The following FANCL variants were observed in gnomAD, a reference collection of about 807,000 sequenced individuals.
FANCL encodes E3 ubiquitin-protein ligase FANCL.
FANCL carries 69 observed loss-of-function variants against 59.4 expected under a neutral mutation model. The ratio of observed to expected loss-of-function variants is 1.16; its 90% CI spans 0.96 to 1.42. FANCL has a LOEUF of 1.42. Ranked by LOEUF, FANCL falls within the 40% of genes most tolerant of loss-of-function variation. The pLI, the probability that FANCL is intolerant of heterozygous loss-of-function variation, is 0.00. For synonymous variants in FANCL, 180 were observed against 147.1 expected (o/e 1.22, Z -1.62); for missense variants, 519 against 447.2 (o/e 1.16, Z -1.45).
At position 58,218,855 on chromosome 2, in the gene FANCL, G is replaced by C. The variant is rs139159257; in HGVS notation, c.374+3087C>G. Among the ~76,000 whole-genome samples, 918 of 151,872 alleles carry C rather than the reference G, an allele frequency of 6.0e-3. 13 individuals carry two copies. The highest frequency in any genetic ancestry group is 0.021 in the African/African-American group (863 of 41,396). ...TAATGGACTGGAGTTGTAGACATCA[G>C]TATAAAATCATGTTTACCTTAATAC... is the stretch of plus-strand genomic sequence containing the variant. On this transcript the variant is annotated intron_variant, in intron 5 of 13. Coordinates refer to ENST00000233741, the MANE Select transcript of FANCL (RefSeq NM_018062.4).
At chr2:58,173,054 G>T (rs571919257) in intron 7 of FANCL, among the ~76,000 whole-genome samples, 1 of 152,190 alleles carries the variant, frequency 6.6e-6, no homozygotes, top group South Asian at 2.1e-4. Context: ...AAGATGAAGT[G>T]AATGAAATGA....
intron 1 of FANCL, 68 bp downstream of exon 1, chr2:58,241,148 TCA>T: frequency 1.9e-6 from 3 of 1,544,994 alleles, no homozygotes; most frequent in Non-Finnish European, 2.7e-6. Context: ...TCCTAGCCCG[TCA>T]CAGACTTCTC....
intron 1 of FANCL, among the ~76,000 whole-genome samples, chr2:58,238,316 TGA>T (rs1240243485): frequency 2.6e-5 from 4 of 152,322 alleles, no homozygotes; most frequent in African/African-American, 9.6e-5. Context: ...TGCAAGATCA[TGA>T]GAGATTTTGA....
chr2:58,170,357 G>T (rs887958852), intron 7 of FANCL, among the ~76,000 whole-genome samples: 1 of 152,170 alleles, frequency 6.6e-6, no homozygotes, highest in Non-Finnish European at 1.5e-5. Context: ...GTCACCACCA[G>T]GCCTGCCTTA....
At chr2:58,201,786 AG>A (rs1690048588) in intron 6 of FANCL, among the ~76,000 whole-genome samples, 1 of 152,114 alleles carries the variant, frequency 6.6e-6, no homozygotes, top group South Asian at 2.1e-4. Flanking sequence ...TAGTCAAAAT[AG>A]GTATTTGTTT....
intron 6 of FANCL, among the ~76,000 whole-genome samples, chr2:58,203,367 A>G (rs1411163186): frequency 6.6e-6 from 1 of 151,878 alleles, no homozygotes; most frequent in African/African-American, 2.4e-5. Flanking sequence ...CATCACTACA[A>G]TCTTCTGAAA....
At chr2:58,221,343 A>G (rs1692459337) in intron 5 of FANCL, among the ~76,000 whole-genome samples, 1 of 152,208 alleles carries the variant, frequency 6.6e-6, no homozygotes, top group Non-Finnish European at 1.5e-5. Context: ...TAGCAAACAA[A>G]TCATCACATA....
intron 13 of FANCL, 32 bp from the exon 14 acceptor site, chr2:58,159,832 T>A: frequency 1.2e-6 from 2 of 1,610,536 alleles, no homozygotes; most frequent in Non-Finnish European, 1.7e-6. Context: ...TAACAAAGTT[T>A]GTGGACACTC....
rs114581395 is a variant in FANCL, at chr2:58,166,231, T to C, written c.541-357A>G. The stretch of plus-strand genomic sequence containing the variant: ...CATGATATAGCTAACATTGGACCTA[T>C]ACAAAATGTCTATAATATTTTAGTA... On this transcript the variant is annotated intron_variant, in intron 7 of 13. Transcript: ENST00000233741. Among the ~76,000 whole-genome samples, 984 of 152,284 alleles carry C rather than the reference T, an allele frequency of 6.5e-3. 14 individuals are homozygous for C. The highest frequency in any genetic ancestry group is 0.022 in the African/African-American group (898 of 41,572).
At chr2:58,166,997 A>G (rs543979784) in intron 7 of FANCL, among the ~76,000 whole-genome samples, 1 of 152,312 alleles carries the variant, frequency 6.6e-6, no homozygotes, top group South Asian at 2.1e-4. Context: ...GCAGATCACG[A>G]GGTCAAGAGA....
At chr2:58,163,236 T>C (rs1436247073) in intron 9 of FANCL, 162 bp from the exon 10 acceptor site, 13 of 745,880 alleles carry the variant, frequency 1.7e-5, no homozygotes, top group Non-Finnish European at 2.9e-5. Context: ...TGAGACATTG[T>C]CATTTAAAAT....
At chr2:58,202,335 T>C (rs1234033435) in intron 6 of FANCL, among the ~76,000 whole-genome samples, 1 of 151,082 alleles carries the variant, frequency 6.6e-6, no homozygotes, top group Non-Finnish European at 1.5e-5. Flanking sequence ...GCTGAACTTG[T>C]TTATTCTACT....
intron 1 of FANCL, among the ~76,000 whole-genome samples, chr2:58,238,166 A>G (rs1034899261): frequency 6.6e-6 from 1 of 151,448 alleles, no homozygotes; most frequent in Non-Finnish European, 1.5e-5. Flanking sequence ...ATTTTTTGTG[A>G]TTTTTTTTTA....
chr2:58,239,208 A>G (rs917558054), intron 1 of FANCL, among the ~76,000 whole-genome samples: 5 of 152,188 alleles, frequency 3.3e-5, no homozygotes, highest in Non-Finnish European at 2.9e-5. Flanking sequence ...TACCTCCCCA[A>G]AAGTACTTAT....
chr2:58,178,682 T>C (rs1008927393), intron 7 of FANCL, among the ~76,000 whole-genome samples: 1 of 152,104 alleles, frequency 6.6e-6, no homozygotes, highest in African/African-American at 2.4e-5. Context: ...AAGACAAGGA[T>C]GCTCTCTCTC....
chr2:58,182,210 GA>G (rs1168002997), intron 7 of FANCL, among the ~76,000 whole-genome samples: 1 of 151,706 alleles, frequency 6.6e-6, no homozygotes, highest in Non-Finnish European at 1.5e-5. Flanking sequence ...AATCGTACTG[GA>G]ATCACCTAAG....
Position 58,234,639 on chromosome 2 carries a change from T to C in FANCL, c.97-2527A>G, listed in dbSNP as rs77228196. Among the ~76,000 whole-genome samples the C allele has an allele frequency of 6.0e-3, 916 of 151,994 alleles. 8 individuals are homozygous for C. The highest frequency in any genetic ancestry group is 0.021 in the African/African-American group (862 of 41,520). On this transcript the variant is annotated intron_variant, in intron 1 of 13. Transcript: ENST00000233741. The stretch of plus-strand genomic sequence containing the variant: ...AGTTCCACATACCAAAAGGGATAAG[T>C]GGCCACATGATAAAAGTGATTCACA...
At chr2:58,222,395 C>T (rs1343487999) in intron 4 of FANCL, among the ~76,000 whole-genome samples, 2 of 151,998 alleles carry the variant, frequency 1.3e-5, no homozygotes, top group Non-Finnish European at 2.9e-5. Flanking sequence ...TTGATATATA[C>T]ATTTTTTAAA....
chr2:58,161,870 G>T (rs1685232680), intron 11 of FANCL, among the ~76,000 whole-genome samples: 2 of 151,900 alleles, frequency 1.3e-5, no homozygotes, highest in African/African-American at 4.8e-5. Flanking sequence ...CACAAGGTAA[G>T]ATCAGGAAGA....
Sources: allele counts gnomAD v4.1 joint callset (sites outside exome capture counted in the v4.1 genomes callset), GRCh38; gene constraint gnomAD v4.1.1; transcripts MANE v1.5; gene names NCBI Gene and HGNC (gene_info 2026-07-23, HGNC 2026-07-21).